The following WWOX variants were observed in gnomAD, a reference collection of about 807,000 sequenced individuals.
WWOX encodes WW domain-containing oxidoreductase.
In WWOX, 69 loss-of-function variants were observed where a neutral mutation model predicts 46.2. The observed-to-expected ratio is 1.49, with a 90% CI of 1.23 to 1.82. The LOEUF (loss-of-function observed/expected upper bound fraction) is 1.82, where lower values mean the gene tolerates loss of function less well. Among genes scored for constraint, WWOX ranks in the 40% most tolerant of loss-of-function variants. The probability of loss-of-function intolerance (pLI) is 0.00; values close to 1 mark genes in which losing one functional copy is unlikely to be tolerated. For synonymous variants in WWOX, 359 were observed against 202.6 expected (o/e 1.77, Z -6.56); for missense variants, 919 against 542.6 (o/e 1.69, Z -6.89).
At position 78,364,557 on chromosome 16, in the gene WWOX, A is replaced by G. The variant is rs536609799; in HGVS notation, c.517-22303A>G. Among the ~76,000 whole-genome samples the G allele has an allele frequency of 3.4e-3, 389 of 113,832 alleles. 2 individuals carry two copies. Among genetic ancestry groups the G allele is most frequent in the African/African-American group, 0.011 (379 of 34,846 alleles). 74.7% of individuals were successfully genotyped at this position (113,832 alleles called of 152,430 possible). A position where few individuals can be genotyped will look rare whatever the true frequency, so the allele number is the denominator to read the frequency against. On this transcript the variant is annotated intron_variant, in intron 5 of 8. Transcript: ENST00000566780. Reference sequence around the variant, plus strand: ...TAAATCTTTGGGACTCCGGAAGAAAAAAAAATGGGAAAGAAAAAAAAAATT... The same window carrying G: ...TAAATCTTTGGGACTCCGGAAGAAAGAAAAATGGGAAAGAAAAAAAAAATT...
At chr16:78,647,994 A>G (rs962325512) in intron 8 of WWOX, among the ~76,000 whole-genome samples, 1 of 152,108 alleles carries the variant, frequency 6.6e-6, no homozygotes, top group Admixed American at 6.6e-5. Flanking sequence ...TTCGCTTAGT[A>G]TTTTCCATTA....
intron 8 of WWOX, among the ~76,000 whole-genome samples, chr16:78,655,131 C>T (rs772056274): frequency 6.6e-6 from 1 of 152,080 alleles, no homozygotes; most frequent in Non-Finnish European, 1.5e-5. Flanking sequence ...AAACTCGGCT[C>T]AAACTAGCTT....
At chr16:78,952,683 C>T (rs1460116524) in intron 8 of WWOX, among the ~76,000 whole-genome samples, 1 of 152,158 alleles carries the variant, frequency 6.6e-6, no homozygotes, top group Non-Finnish European at 1.5e-5. Context: ...CACACCTGGC[C>T]TGTTTTTGTG....
intron 8 of WWOX, among the ~76,000 whole-genome samples, chr16:78,882,735 C>T (rs762736036): frequency 1.3e-5 from 2 of 151,914 alleles, no homozygotes; most frequent in East Asian, 1.9e-4. Context: ...GTGATCCACC[C>T]GCTTCAGCCT....
chr16:78,703,719 C>T (rs1476204751), intron 8 of WWOX, among the ~76,000 whole-genome samples: 1 of 151,872 alleles, frequency 6.6e-6, no homozygotes, highest in South Asian at 2.1e-4. Flanking sequence ...GCTTGAATTT[C>T]TTGGGTTGGG....
chr16:78,594,563 A>G lies in WWOX; in HGVS notation c.1056+161811A>G, dbSNP rs895970268. ...TCTCAATCACCTGGCTCAAACTCAT[A>G]GTTTTCAGGTGGCATAAGCCATGGC... is the stretch of plus-strand genomic sequence containing the variant. On this transcript the variant is annotated intron_variant, in intron 8 of 8. Transcript: ENST00000566780. 2.0e-5 allele frequency among the ~76,000 whole-genome samples: 3 copies of G among 151,462 alleles called. No individual in the cohort carries two copies. In the South Asian group the frequency reaches 6.3e-4, roughly 32 times the overall value.
chr16:78,271,855 C>G (rs1480394939), intron 5 of WWOX, among the ~76,000 whole-genome samples: 1 of 152,086 alleles, frequency 6.6e-6, no homozygotes, highest in African/African-American at 2.4e-5. Flanking sequence ...GTCACACAGC[C>G]CAAAGAGCAT....
intron 8 of WWOX, among the ~76,000 whole-genome samples, chr16:78,681,596 C>T (rs878929596): frequency 6.6e-6 from 1 of 151,914 alleles, no homozygotes; most frequent in Admixed American, 6.6e-5. Context: ...ATACAGGGCT[C>T]TGCCCATTAG....
At chr16:79,138,488 CCTCA>C (rs2050026129) in intron 8 of WWOX, among the ~76,000 whole-genome samples, 1 of 152,194 alleles carries the variant, frequency 6.6e-6, no homozygotes, top group Admixed American at 6.5e-5. Context: ...GGAACAACTG[CCTCA>C]CTCCTGTGGC....
At chr16:78,126,381 C>G (rs2033362591) in intron 4 of WWOX, among the ~76,000 whole-genome samples, 1 of 152,166 alleles carries the variant, frequency 6.6e-6, no homozygotes, top group Non-Finnish European at 1.5e-5. Context: ...GCATCCTTGC[C>G]AAACTTGAGA....
chr16:78,847,289 C>T (rs1230291708), intron 8 of WWOX, among the ~76,000 whole-genome samples: 1 of 152,160 alleles, frequency 6.6e-6, no homozygotes, highest in East Asian at 1.9e-4. Flanking sequence ...CAAACCCATG[C>T]ACATACACCT....
intron 8 of WWOX, among the ~76,000 whole-genome samples, chr16:78,691,968 T>C (rs1435924829): frequency 6.6e-6 from 1 of 152,178 alleles, no homozygotes; most frequent in African/African-American, 2.4e-5. Flanking sequence ...CTGATGGGTG[T>C]ATCAGGAGTT....
At chr16:78,449,113 G>A (rs1020519250) in intron 8 of WWOX, among the ~76,000 whole-genome samples, 66 of 152,180 alleles carry the variant, frequency 4.3e-4, no homozygotes, top group African/African-American at 1.5e-3. Context: ...GCAAGCCCAC[G>A]TGCTTGCTGG....
intron 8 of WWOX, among the ~76,000 whole-genome samples, chr16:78,834,711 T>C (rs1300130580): frequency 1.3e-5 from 2 of 152,150 alleles, no homozygotes; most frequent in African/African-American, 4.8e-5. Context: ...AGAGATAATT[T>C]ATAGATACAG....
chr16:78,379,373 C>G (rs534154221), intron 5 of WWOX, among the ~76,000 whole-genome samples: 2 of 152,002 alleles, frequency 1.3e-5, no homozygotes, highest in Non-Finnish European at 2.9e-5. Context: ...GAGTAGTCCC[C>G]CAGTTAAAAG....
intron 8 of WWOX, among the ~76,000 whole-genome samples, chr16:79,113,645 C>T (rs993506122): frequency 5.9e-5 from 9 of 152,206 alleles, no homozygotes; most frequent in African/African-American, 1.2e-4. Context: ...AAGGGCTGAC[C>T]ATAAGTTGCA....
chr16:78,818,399 G>T (rs1467196092), intron 8 of WWOX, among the ~76,000 whole-genome samples: 1 of 152,166 alleles, frequency 6.6e-6, no homozygotes, highest in Non-Finnish European at 1.5e-5. Context: ...CATTGACTCA[G>T]GCCTTGAAGT....
At chr16:78,378,388 A>G (rs1271199371) in intron 5 of WWOX, among the ~76,000 whole-genome samples, 3 of 152,152 alleles carry the variant, frequency 2.0e-5, no homozygotes, top group Admixed American at 6.5e-5. Context: ...GTGCTGTTTC[A>G]GGTTTGACTA....
intron 8 of WWOX, among the ~76,000 whole-genome samples, chr16:78,638,398 T>C (rs1401946091): frequency 6.6e-6 from 1 of 152,140 alleles, no homozygotes; most frequent in Non-Finnish European, 1.5e-5. Context: ...TGGGTCTGCC[T>C]TTCCAACCGC....
Sources: allele counts gnomAD v4.1 joint callset (sites outside exome capture counted in the v4.1 genomes callset), GRCh38; gene constraint gnomAD v4.1.1; transcripts MANE v1.5; gene names NCBI Gene and HGNC (gene_info 2026-07-23, HGNC 2026-07-21).